The following KIAA0040 variants were observed in gnomAD, a reference collection of about 807,000 sequenced individuals.
KIAA0040 encodes KIAA0040.
In KIAA0040, 10 loss-of-function variants were observed where a neutral mutation model predicts 7.2. That is an observed-to-expected ratio of 1.38 (90% confidence interval 0.85 to 2.34). The LOEUF (loss-of-function observed/expected upper bound fraction) is 2.34. Among genes scored for constraint, KIAA0040 ranks in the 30% most tolerant of loss-of-function variants. The probability of loss-of-function intolerance (pLI) is 0.00; values close to 1 mark genes in which losing one functional copy is unlikely to be tolerated. For synonymous variants in KIAA0040, 49 were observed against 40.1 expected (o/e 1.22, Z -0.84); for missense variants, 89 against 108.2 (o/e 0.82, Z 0.79).
chr1:175,160,680 C>A lies in KIAA0040; in HGVS notation c.*34G>T. On this transcript the variant is annotated 3_prime_UTR_variant, in exon 4 of 4. Transcript: ENST00000423313. ...TGTGTGTGGTCAGAAGGAGGCTTAG[C>A]CCCAGAAAGGAAACACCTCTGCTTC... is the stretch of plus-strand genomic sequence containing the variant. 6.6e-7 allele frequency: 1 copy of A among 1,513,842 alleles called. No homozygotes were observed. Among genetic ancestry groups the A allele is most frequent in the South Asian group, 1.3e-5 (1 of 76,444 alleles). The allele number at this position is 1,513,842 out of a possible 1,614,324, so 93.8% of individuals were successfully genotyped here.
chr1:175,192,030 G>A (rs1677884031), intron 1 of KIAA0040, among the ~76,000 whole-genome samples: 1 of 152,088 alleles, frequency 6.6e-6, no homozygotes, highest in South Asian at 2.1e-4. Flanking sequence ...AGAATGTTAG[G>A]GAAACAGGTC....
intron 1 of KIAA0040, among the ~76,000 whole-genome samples, chr1:175,192,215 C>T (rs533508497): frequency 2.0e-5 from 3 of 152,330 alleles, no homozygotes; most frequent in Non-Finnish European, 4.4e-5. Context: ...TTCGTTTTGG[C>T]TAGTTCCTTA....
Position 175,178,072 on chromosome 1 carries a change from C to T in KIAA0040, c.-383-388G>A, listed in dbSNP as rs982560189. 2.0e-5 allele frequency among the ~76,000 whole-genome samples: 3 copies of T among 152,236 alleles called. No individual in the cohort carries two copies. The East Asian group carries it at 5.8e-4, about 29-fold the overall frequency. ...TGTTGGGAGGTCTTCCTGCCTCCAA[C>T]CCAGAATGGCTGGATGGAGACCACT... On this transcript the variant is annotated intron_variant, in intron 1 of 3. Coordinates refer to ENST00000423313, the MANE Select transcript of KIAA0040 (RefSeq NM_014656.3).
At chr1:175,165,557 G>T (rs1676725773) in intron 3 of KIAA0040, among the ~76,000 whole-genome samples, 1 of 152,206 alleles carries the variant, frequency 6.6e-6, no homozygotes, top group Admixed American at 6.5e-5. Context: ...TCCCTAATAT[G>T]GTTGGTCTGT....
intron 1 of KIAA0040, among the ~76,000 whole-genome samples, chr1:175,187,040 AG>A (rs1393682342): frequency 6.6e-6 from 1 of 152,140 alleles, no homozygotes; most frequent in African/African-American, 2.4e-5. Flanking sequence ...GAGAGAAAGG[AG>A]GGTGGAAGCC....
At chr1:175,181,959 C>T (rs1173752750) in intron 1 of KIAA0040, among the ~76,000 whole-genome samples, 1 of 152,220 alleles carries the variant, frequency 6.6e-6, no homozygotes, top group Admixed American at 6.5e-5. Flanking sequence ...ACAGCTTGCT[C>T]CACCCGACCC....
chr1:175,168,445 GA>G (rs1224023003), intron 2 of KIAA0040, among the ~76,000 whole-genome samples: 1 of 152,120 alleles, frequency 6.6e-6, no homozygotes, highest in Non-Finnish European at 1.5e-5. Flanking sequence ...AAGGAAAATA[GA>G]TAGTATTTTC....
At position 175,157,253 on chromosome 1, in the gene KIAA0040, G is replaced by GA. The variant is rs2101865864; in HGVS notation, c.*3460dup. 6.6e-6 allele frequency: 1 copy of GA among 152,318 alleles called. No homozygotes were observed. The highest frequency in any genetic ancestry group is 2.1e-4 in the South Asian group (1 of 4,828). The allele number at this position is 152,318 out of a possible 1,614,324, so 9.4% of individuals were successfully genotyped here. The stretch of plus-strand genomic sequence containing the variant: ...AAGCCATTGATGGACCTCATTGATG[G>GA]AAAGTTCTGTAAGTGTTGCCAAGGA... On this transcript the variant is annotated 3_prime_UTR_variant, in exon 4 of 4. Transcript: ENST00000423313.
At position 175,160,797 on chromosome 1, in the gene KIAA0040, TC is replaced by T; in HGVS notation, c.216del (p.Lys73ArgfsTer29). On this transcript the variant is annotated frameshift_variant, in exon 4 of 4. Coordinates refer to ENST00000423313, the MANE Select transcript of KIAA0040 (RefSeq NM_014656.3). LOFTEE classifies it high-confidence loss of function. ...PEKNKKKKKK[K>X]KKKDEEDLWI... ...CAGAGGTCTTCTTCATCCTTCTTCT[TC>T]TTCTTCTTCTTCTTCTTCTTGTTCT... The T allele has an allele frequency of 1.3e-6, 1 of 768,854 alleles. No homozygotes were observed. Among genetic ancestry groups the T allele is most frequent in the East Asian group, 2.9e-5 (1 of 34,420 alleles). 47.6% of individuals were successfully genotyped at this position (768,854 alleles called of 1,614,324 possible).
At chr1:175,186,355 T>C (rs765599623) in intron 1 of KIAA0040, among the ~76,000 whole-genome samples, 1 of 152,268 alleles carries the variant, frequency 6.6e-6, no homozygotes, top group South Asian at 2.1e-4. Context: ...TTAATTCCAA[T>C]GCCAAGTGTT....
intron 3 of KIAA0040, among the ~76,000 whole-genome samples, chr1:175,161,436 G>C (rs1283695082): frequency 1.3e-5 from 2 of 152,160 alleles, no homozygotes; most frequent in Non-Finnish European, 2.9e-5. Flanking sequence ...ATGAATCAAT[G>C]TGTGTGTTCA....
intron 2 of KIAA0040, among the ~76,000 whole-genome samples, chr1:175,174,683 C>T (rs1677111403): frequency 6.6e-6 from 1 of 152,142 alleles, no homozygotes; most frequent in African/African-American, 2.4e-5. Context: ...TGCAGTCCTC[C>T]ACCCTCCTAT....
At chr1:175,173,838 T>G (rs1260916354) in intron 2 of KIAA0040, among the ~76,000 whole-genome samples, 1 of 152,228 alleles carries the variant, frequency 6.6e-6, no homozygotes, top group African/African-American at 2.4e-5. Context: ...CCCCAAGGCA[T>G]GAAACTCACT....
intron 3 of KIAA0040, among the ~76,000 whole-genome samples, chr1:175,165,634 C>T (rs765728840): frequency 6.6e-6 from 1 of 152,236 alleles, no homozygotes; most frequent in Non-Finnish European, 1.5e-5. Context: ...GCTTGGGGAA[C>T]ATCTGAAGGT....
In KIAA0040 at chr1:175,160,607, T is replaced by A. The variant is rs1383658314; in HGVS notation, c.*107A>T. Reference sequence around the variant, plus strand: ...GTTTGTTCCTTGGTTGAGTAGTTACTCTGTGGACATGGACATAGTGCATTA... The same window carrying A: ...GTTTGTTCCTTGGTTGAGTAGTTACACTGTGGACATGGACATAGTGCATTA... On this transcript the variant is annotated 3_prime_UTR_variant, in exon 4 of 4. Coordinates refer to ENST00000423313, the MANE Select transcript of KIAA0040 (RefSeq NM_014656.3). The A allele has an allele frequency of 4.5e-6, 5 of 1,106,360 alleles. No homozygotes were observed. Among genetic ancestry groups the A allele is most frequent in the African/African-American group, 1.6e-5 (1 of 62,996 alleles). The allele number at this position is 1,106,360 out of a possible 1,614,324, so 68.5% of individuals were successfully genotyped here. A position where few individuals can be genotyped will look rare whatever the true frequency, so the allele number is the denominator to read the frequency against.
At position 175,185,394 on chromosome 1, in the gene KIAA0040, T is replaced by C. The variant is rs144148063; in HGVS notation, c.-384+7246A>G. On this transcript the variant is annotated intron_variant, in intron 1 of 3. Coordinates refer to ENST00000423313, the MANE Select transcript of KIAA0040 (RefSeq NM_014656.3). ...TGTTAGCTGTTGCTTCCTACTCAGT[T>C]ATACCAAGAAGGGGCTTTAGTTTAC... Among the ~76,000 whole-genome samples, 371 of 152,288 alleles carry C rather than the reference T, an allele frequency of 2.4e-3. 2 individuals carry two copies. Among genetic ancestry groups the C allele is most frequent in the Admixed American group, 5.7e-3 (87 of 15,296 alleles).
rs72719370 is a variant in KIAA0040, at chr1:175,159,400, G to C, written c.*1314C>G. 61,167 of 151,536 alleles carry C rather than the reference G, an allele frequency of 0.4. 12,678 individuals are homozygous for C. The highest frequency in any genetic ancestry group is 0.45 in the Non-Finnish European group (30,637 of 67,684). The allele number at this position is 151,536 out of a possible 1,614,324, so 9.4% of individuals were successfully genotyped here. ...CTCACTTAGAAGAGAAGATCACTCG[G>C]GGAGAACTGGTGAGGTATTACAAGC... On this transcript the variant is annotated 3_prime_UTR_variant, in exon 4 of 4. Transcript: ENST00000423313.
intron 3 of KIAA0040, among the ~76,000 whole-genome samples, chr1:175,163,230 C>G (rs1036023941): frequency 2.6e-5 from 4 of 152,206 alleles, no homozygotes; most frequent in African/African-American, 9.7e-5. Context: ...TTTGGCTATT[C>G]CCCAGATTAA....
intron 1 of KIAA0040, among the ~76,000 whole-genome samples, chr1:175,187,742 GC>G (rs3835504): frequency 0.26 from 39,326 of 151,778 alleles, 5,849 homozygotes; most frequent in Admixed American, 0.45. Flanking sequence ...CTCTTTCCCT[GC>G]CCCTACACCA....
Sources: allele counts gnomAD v4.1 joint callset (sites outside exome capture counted in the v4.1 genomes callset), GRCh38; gene constraint gnomAD v4.1.1; transcripts MANE v1.5; gene names NCBI Gene and HGNC (gene_info 2026-07-23, HGNC 2026-07-21).